ENTPD1: variants seen among roughly 807,000 people sequenced by gnomAD.
ENTPD1 encodes the protein ectonucleoside triphosphate diphosphohydrolase 1.
ENTPD1 carries 33 observed loss-of-function variants against 57.0 expected under a neutral mutation model. The ratio of observed to expected loss-of-function variants is 0.58; its 90% confidence interval spans 0.44 to 0.77. ENTPD1 has a LOEUF of 0.77. Ranked by LOEUF, ENTPD1 falls within the 30% of genes least tolerant of loss-of-function variation. The pLI is 0.00. For missense variants in ENTPD1, 501 were observed against 603.4 expected (o/e 0.83, Z 1.78); for synonymous variants, 202 against 218.8 (o/e 0.92, Z 0.68).
chr10:95,702,036 A>G, the ENTPD1 span, among the ~76,000 whole-genome samples: 1 of 152,056 alleles, frequency 6.6e-6, no homozygotes, highest in East Asian at 1.9e-4. Context: ...TAAAAGATAA[A>G]GAAGAGAATT....
chr10:95,795,437 A>ATT (rs2098222416), intron 1 of ENTPD1, among the ~76,000 whole-genome samples: 1 of 152,196 alleles, frequency 6.6e-6, no homozygotes, highest in African/African-American at 2.4e-5. Flanking sequence ...TGGGCACAAT[A>ATT]GGTTTAAGGT....
In ENTPD1 at chr10:95,870,984, G is replaced by A; in HGVS notation, c.*4601G>A. 1.0e-6 allele frequency: 1 copy of A among 985,426 alleles called. No homozygotes were observed. The highest frequency in any genetic ancestry group is 1.2e-6 in the Non-Finnish European group (1 of 829,940). The allele number at this position is 985,426 out of a possible 1,614,324, so 61.0% of individuals were successfully genotyped here. On this transcript the variant is annotated 3_prime_UTR_variant, in exon 10 of 10. Coordinates refer to ENST00000371205, the MANE Select transcript of ENTPD1 (RefSeq NM_001776.6). ...TGTTCTCCTTGTCCAGTGGTTTCTA[G>A]GGATATGTTCTCATGATGAACCCCG...
At chr10:95,838,132 T>C (rs1426885345) in intron 2 of ENTPD1, among the ~76,000 whole-genome samples, 1 of 152,196 alleles carries the variant, frequency 6.6e-6, no homozygotes, top group African/African-American at 2.4e-5. Context: ...CTTCCCTCTA[T>C]GTTTCTTCTC....
At chr10:95,798,568 T>C (rs2140316120) in intron 1 of ENTPD1, among the ~76,000 whole-genome samples, 1 of 152,322 alleles carries the variant, frequency 6.6e-6, no homozygotes, top group South Asian at 2.1e-4. Flanking sequence ...CAGCTATCCT[T>C]TCCCTAAAGA....
In ENTPD1 at chr10:95,865,255, G is replaced by T. The variant is rs544631201; in HGVS notation, c.1326+394G>T. On this transcript the variant is annotated intron_variant, in intron 9 of 9. Transcript: ENST00000371205. ...GTATGATCATGGTTTCATCATCCTTGTTGGTTATTACTTCAAGGTTGACCA... is the reference window on the plus strand; with the variant it reads ...GTATGATCATGGTTTCATCATCCTTTTTGGTTATTACTTCAAGGTTGACCA... Among the ~76,000 whole-genome samples, 4 of 152,346 alleles carry T rather than the reference G, an allele frequency of 2.6e-5. No individual in the cohort carries two copies. The South Asian group carries it at 6.2e-4, about 24-fold the overall frequency.
At chr10:95,834,922 CAA>C (rs61032051) in intron 2 of ENTPD1, among the ~76,000 whole-genome samples, 5 of 142,666 alleles carry the variant, frequency 3.5e-5, no homozygotes, top group Non-Finnish European at 6.1e-5. Flanking sequence ...GACTCCGTCT[CAA>C]AAAAAAAAAA....
At chr10:95,752,532 C>G (rs924454272), upstream of ENTPD1, among the ~76,000 whole-genome samples, 7 of 152,016 alleles carry the variant, frequency 4.6e-5, no homozygotes, top group Non-Finnish European at 7.4e-5. Context: ...TGGTGCATGC[C>G]TGTAATCCCA....
At chr10:95,841,014 C>T (rs961454440) in intron 3 of ENTPD1, among the ~76,000 whole-genome samples, 1 of 152,336 alleles carries the variant, frequency 6.6e-6, no homozygotes, top group African/African-American at 2.4e-5. Context: ...CCATCTGAGA[C>T]AGTACTTCTG....
At chr10:95,849,593 T>A (rs928741176) in intron 7 of ENTPD1, among the ~76,000 whole-genome samples, 1 of 152,248 alleles carries the variant, frequency 6.6e-6, no homozygotes, top group African/African-American at 2.4e-5. Flanking sequence ...CTCTTCATTT[T>A]CTTGGTCTCT....
chr10:95,753,507 GTGCT>G (rs1351189091), upstream of ENTPD1: 1 of 152,170 alleles, frequency 6.6e-6, no homozygotes, highest in Non-Finnish European at 1.5e-5. Flanking sequence ...TATTTATGAA[GTGCT>G]AGTTACTATA....
intron 2 of ENTPD1, among the ~76,000 whole-genome samples, chr10:95,827,471 C>T (rs2098381628): frequency 6.6e-6 from 1 of 151,666 alleles, no homozygotes; most frequent in Non-Finnish European, 1.5e-5. Flanking sequence ...AAAAAAATTT[C>T]GTTTTTGTTT....
intron 1 of ENTPD1, among the ~76,000 whole-genome samples, chr10:95,788,554 T>C (rs1589831759): frequency 6.6e-6 from 1 of 151,568 alleles, no homozygotes; most frequent in African/African-American, 2.4e-5. Flanking sequence ...GAGGTGGAGG[T>C]TGCAGTGAGC....
At chr10:95,823,490 C>T in intron 2 of ENTPD1, 126 bp downstream of exon 2, 1 of 1,416,824 alleles carries the variant, frequency 7.1e-7, no homozygotes, top group Admixed American at 1.8e-5. Flanking sequence ...AGGAACAAGT[C>T]AATTTCCACT....
At chr10:95,848,106 G>A (rs1259216346) in intron 7 of ENTPD1, among the ~76,000 whole-genome samples, 3 of 152,126 alleles carry the variant, frequency 2.0e-5, no homozygotes, top group Non-Finnish European at 1.5e-5. Flanking sequence ...GGACCTTGTG[G>A]GACAGACCTC....
intron 1 of ENTPD1, among the ~76,000 whole-genome samples, chr10:95,807,344 C>T (rs969451861): frequency 6.6e-6 from 1 of 152,208 alleles, no homozygotes; most frequent in African/African-American, 2.4e-5. Context: ...TCCTTGTCTG[C>T]CAGTTGCCAA....
chr10:95,716,504 A>G (rs1168074928), intron 1 of ENTPD1, among the ~76,000 whole-genome samples: 1 of 152,216 alleles, frequency 6.6e-6, no homozygotes, highest in Non-Finnish European at 1.5e-5. Flanking sequence ...TGCTCTTATG[A>G]AAGGATTAAT....
chr10:95,856,863 T>C (rs1165683567), intron 7 of ENTPD1, among the ~76,000 whole-genome samples: 2 of 151,170 alleles, frequency 1.3e-5, no homozygotes, highest in African/African-American at 2.4e-5. Flanking sequence ...TATAAATATG[T>C]ATTCACTATT....
At chr10:95,773,237 A>G (rs946612401) in intron 1 of ENTPD1, among the ~76,000 whole-genome samples, 2 of 152,210 alleles carry the variant, frequency 1.3e-5, no homozygotes, top group Non-Finnish European at 2.9e-5. Flanking sequence ...CACTGGGGAT[A>G]AAATTTCAGT....
chr10:95,707,370 G>A (rs1193410467), upstream of ENTPD1, among the ~76,000 whole-genome samples: 1 of 152,194 alleles, frequency 6.6e-6, no homozygotes, highest in Non-Finnish European at 1.5e-5. Flanking sequence ...TGGTACCTGG[G>A]TAGCTCCCAC....
Sources: allele counts gnomAD v4.1 joint callset (sites outside exome capture counted in the v4.1 genomes callset), GRCh38; gene constraint gnomAD v4.1.1; transcripts MANE v1.5; gene names NCBI Gene and HGNC (gene_info 2026-07-23, HGNC 2026-07-21).